VAC14: variants seen among roughly 807,000 people sequenced by gnomAD.
VAC14 encodes the protein VAC14 component of PIKFYVE complex.
In VAC14, 47 loss-of-function variants were observed where a neutral mutation model predicts 85.3. That is an observed-to-expected ratio of 0.55 (90% CI 0.44 to 0.70). The LOEUF is 0.70. Among genes scored for constraint, VAC14 ranks in the 30% least tolerant of loss-of-function variants. VAC14 has a pLI of 0.00. For synonymous variants in VAC14, 447 were observed against 430.5 expected, an observed-to-expected ratio of 1.04 and a Z score of -0.47; for missense variants, 861 against 1,004.3, an observed-to-expected ratio of 0.86 and a Z score of 1.93.
intron 1 of VAC14, among the ~76,000 whole-genome samples, chr16:70,798,527 T>C (rs1011434919): frequency 1.3e-5 from 2 of 152,236 alleles, no homozygotes; most frequent in Non-Finnish European, 2.9e-5. Flanking sequence ...AGTCAGTATC[T>C]ATCTCTAAGC....
At chr16:70,752,822 CCT>C (rs373063496) in intron 12 of VAC14, among the ~76,000 whole-genome samples, 42 of 152,330 alleles carry the variant, frequency 2.8e-4, no homozygotes, top group African/African-American at 7.5e-4. Context: ...CAACCAAACT[CCT>C]CTATTTGTTC....
Position 70,687,710 on chromosome 16 carries a change from G to C in VAC14, c.*218C>G, listed in dbSNP as rs1027643823. On this transcript the variant is annotated 3_prime_UTR_variant, in exon 19 of 19. Transcript: ENST00000261776. The stretch of plus-strand genomic sequence containing the variant: ...CCCCACTGGGTGGGCAGCCAGCTCT[G>C]TGAGAATGCCAGGGTGCAGCTGACA... 11 of 437,828 alleles carry C rather than the reference G, an allele frequency of 2.5e-5. No homozygotes were observed. The highest frequency in any genetic ancestry group is 3.8e-5 in the Non-Finnish European group (10 of 263,062). 27.1% of individuals were successfully genotyped at this position (437,828 alleles called of 1,614,324 possible).
chr16:70,744,456 T>TGGGCACC lies in VAC14; in HGVS notation c.1488_1494dup (p.Thr499GlyfsTer33). 6.2e-7 allele frequency: 1 copy of TGGGCACC among 1,613,884 alleles called. No individual in the cohort carries two copies. Among genetic ancestry groups the TGGGCACC allele is most frequent in the Non-Finnish European group, 8.5e-7 (1 of 1,179,960 alleles). ...TTCAGTAGGCCGGCTCTGCCAGGGGTGGGCACCTGGAGCTCTGAGTGGCTG... is the reference window on the plus strand; with the variant it reads ...TTCAGTAGGCCGGCTCTGCCAGGGGTGGGCACCGGGCACCTGGAGCTCTGAGTGGCTG... On this transcript the variant is annotated frameshift_variant, in exon 13 of 19. Coordinates refer to ENST00000261776, the MANE Select transcript of VAC14 (RefSeq NM_018052.5). LOFTEE classifies it high-confidence loss of function.
Position 70,761,018 on chromosome 16 carries a change from T to TGTGTGTGCGC in VAC14, c.1371+1521_1371+1522insGCGCACACAC, listed in dbSNP as rs1555523169. The TGTGTGTGCGC allele has an allele frequency of 1.5e-5, 4 of 267,814 alleles. No individual in the cohort carries two copies. In the African/African-American group the frequency reaches 1.7e-4, roughly 11 times the overall value. The allele number at this position is 267,814 out of a possible 1,614,324, so 16.6% of individuals were successfully genotyped here. A position where few individuals can be genotyped will look rare whatever the true frequency, so the allele number is the denominator to read the frequency against. Reference sequence around the variant, plus strand: ...GTGTGTGTGTGTGTGTGTGTGTGTGTGCATGGGGGGGCGGGGGGTAGGCAG... The same window carrying TGTGTGTGCGC: ...GTGTGTGTGTGTGTGTGTGTGTGTGTGTGTGTGCGCGCATGGGGGGGCGGGGGGTAGGCAG... On this transcript the variant is annotated intron_variant, in intron 12 of 18. Transcript: ENST00000261776.
Position 70,786,377 on chromosome 16 carries a change from G to C in VAC14, c.105-12C>G. On this transcript the variant is annotated splice_polypyrimidine_tract_variant and intron_variant, in intron 1 of 18. Coordinates refer to ENST00000261776, the MANE Select transcript of VAC14 (RefSeq NM_018052.5). ...ACTCCCGGACCAGCCTGGAGAGAGA[G>C]GAGAGAGGGGCTGTGGGAATCAGGC... 6.2e-7 allele frequency: 1 copy of C among 1,611,878 alleles called. No individual in the cohort carries two copies. Among genetic ancestry groups the C allele is most frequent in the East Asian group, 2.2e-5 (1 of 44,834 alleles).
rs554274151 is a variant in VAC14 at position 70,788,823 on chromosome 16, TAG to T, written c.105-2460_105-2459del. Among the ~76,000 whole-genome samples the T allele has an allele frequency of 2.8e-4, 43 of 152,336 alleles. 2 individuals are homozygous for T. In the South Asian group the frequency reaches 8.3e-3, roughly 29 times the overall value. On this transcript the variant is annotated intron_variant, in intron 1 of 18. Transcript: ENST00000261776. ...AGTTTTCCTCACAGAGAGATCCTGC[TAG>T]AGGAGCCAGTCAGTCCCTCCAACTA...
At position 70,783,485 on chromosome 16, in the gene VAC14, A is replaced by G. The variant is rs201425995; in HGVS notation, c.664T>C (p.Phe222Leu). Reference sequence around the variant, plus strand: ...TTGCCATTGTCACCCAGGATCTGGAAGAGTCCATCCAGGATCTCCGGCAGG... The same window carrying G: ...TTGCCATTGTCACCCAGGATCTGGAGGAGTCCATCCAGGATCTCCGGCAGG... Reference protein sequence around the residue: ...DYLPEILDGLFQILGDNGKEI... With the variant: ...DYLPEILDGLLQILGDNGKEI... Residue 222 changes from phenylalanine (F) to leucine (L), a missense_variant, in exon 6 of 19, where the codon TTC becomes CTC. Physicochemically the swap from Phe to Leu is conservative, Grantham distance 22. Around this residue, in one of 3 missense-constraint regions of VAC14, gnomAD observed 629 missense variants for 703.1 expected, o/e 0.89. Transcript: ENST00000261776. The G allele has an allele frequency of 8.7e-6, 14 of 1,614,132 alleles. No individual in the cohort carries two copies. The East Asian group carries it at 3.1e-4, about 36-fold the overall frequency.
chr16:70,722,697 T>C (rs971161146), intron 14 of VAC14, among the ~76,000 whole-genome samples: 1 of 152,206 alleles, frequency 6.6e-6, no homozygotes. Flanking sequence ...TTGTCTGTCC[T>C]GGCTCAGATG....
At chr16:70,747,330 C>T (rs74024445) in intron 12 of VAC14, 17,685 of 151,872 alleles carry the variant, frequency 0.12, 1,140 homozygotes, top group Non-Finnish European at 0.14. Flanking sequence ...TGACTCCTAA[C>T]GGGTGCAGGG....
rs115000560 is a variant in VAC14 at position 70,739,202 on chromosome 16, G to A, written c.1528+5221C>T. Reference sequence around the variant, plus strand: ...GCAGTGAGGTAGGACCCTTGTCCGAGGTCACGGGATGGATGGGCAAAGCAG... The same window carrying A: ...GCAGTGAGGTAGGACCCTTGTCCGAAGTCACGGGATGGATGGGCAAAGCAG... On this transcript the variant is annotated intron_variant, in intron 13 of 18. Transcript: ENST00000261776. Among the ~76,000 whole-genome samples the A allele has an allele frequency of 9.8e-3, 1,487 of 152,324 alleles. 23 individuals carry two copies. The highest frequency in any genetic ancestry group is 0.034 in the African/African-American group (1,431 of 41,554).
intron 14 of VAC14, among the ~76,000 whole-genome samples, chr16:70,704,974 C>T (rs182399773): frequency 2.0e-5 from 3 of 152,342 alleles, no homozygotes; most frequent in South Asian, 2.1e-4. Context: ...ACAGGACCAG[C>T]GAAGTGACCA....
chr16:70,774,289 T>C (rs1281737173), intron 9 of VAC14, among the ~76,000 whole-genome samples: 1 of 152,234 alleles, frequency 6.6e-6, no homozygotes, highest in East Asian at 1.9e-4. Context: ...TTTGAAGCGC[T>C]GGTCACTCTG....
chr16:70,779,631 TAATAAATGGAATTTA>T (rs2033708637), intron 9 of VAC14, among the ~76,000 whole-genome samples: 1 of 152,144 alleles, frequency 6.6e-6, no homozygotes, highest in African/African-American at 2.4e-5. Flanking sequence ...GTTAGATTTG[TAATAAATGGAATTTA>T]ACTAGAAAAA....
chr16:70,772,125 C>G lies in VAC14; in HGVS notation c.1144G>C (p.Val382Leu), dbSNP rs755053038. Residue 382 changes from valine (V) to leucine (L), a missense_variant, in exon 10 of 19, where the codon GTC (valine) becomes CTC (leucine). Val to Leu is a conservative substitution (Grantham distance 32). Coordinates refer to ENST00000261776, the MANE Select transcript of VAC14 (RefSeq NM_018052.5). ...CDSSFSSGIS[V>L]FTAASTERAP... ...GCCACTTACCTGGCTGCAGTGAAGA[C>G]ACTGATGCCGCTACTGAAGCTGGAG... 19 of 1,614,006 alleles carry G rather than the reference C, an allele frequency of 1.2e-5. No individual in the cohort carries two copies. In the Admixed American group the frequency reaches 3.2e-4, roughly 27 times the overall value.
rs200405116 is a variant in VAC14, at chr16:70,731,483, G to A, written c.1661+12C>T. ...TGGGAGGAAGAGGAGAAAGCGCGCC[G>A]CCAAGGCTGACCTGATGATGAAAGG... is the stretch of plus-strand genomic sequence containing the variant. On this transcript the variant is annotated intron_variant, in intron 14 of 18. Coordinates refer to ENST00000261776, the MANE Select transcript of VAC14 (RefSeq NM_018052.5). 18 of 1,611,612 alleles carry A rather than the reference G, an allele frequency of 1.1e-5. No homozygotes were observed. The highest frequency in any genetic ancestry group is 9.4e-5 in the African/African-American group (7 of 74,858).
Position 70,754,713 on chromosome 16 carries a change from A to G in VAC14, c.1371+7827T>C, listed in dbSNP as rs1406987160. Among the ~76,000 whole-genome samples, 5 of 152,168 alleles carry G rather than the reference A, an allele frequency of 3.3e-5. No individual in the cohort carries two copies. The East Asian group carries it at 9.7e-4, about 29-fold the overall frequency. Reference sequence around the variant, plus strand: ...GCAAGAGGAGTCAAGTTCTTTGGGCACCGACACGGCACCCCTCCATTCTCT... The same window carrying G: ...GCAAGAGGAGTCAAGTTCTTTGGGCGCCGACACGGCACCCCTCCATTCTCT... On this transcript the variant is annotated intron_variant, in intron 12 of 18. Transcript: ENST00000261776.
chr16:70,776,835 T>G (rs2143206550), intron 9 of VAC14, among the ~76,000 whole-genome samples: 1 of 151,248 alleles, frequency 6.6e-6, no homozygotes, highest in East Asian at 1.9e-4. Context: ...TTTTTTGAGA[T>G]GGAGTCTTGC....
intron 12 of VAC14, among the ~76,000 whole-genome samples, chr16:70,757,757 G>A (rs539008657): frequency 3.5e-4 from 53 of 152,316 alleles, no homozygotes; most frequent in African/African-American, 1.2e-3. Context: ...CTCCTGCATC[G>A]GAGGAGCTAC....
At chr16:70,704,292 A>G (rs2053881673) in intron 14 of VAC14, among the ~76,000 whole-genome samples, 1 of 152,212 alleles carries the variant, frequency 6.6e-6, no homozygotes, top group Non-Finnish European at 1.5e-5. Flanking sequence ...GCCCTGCCTC[A>G]TGGTAACAGA....
Sources: allele counts gnomAD v4.1 joint callset (sites outside exome capture counted in the v4.1 genomes callset), GRCh38; gene constraint gnomAD v4.1.1; regional missense constraint gnomAD v4.1.1; transcripts MANE v1.5; gene names NCBI Gene and HGNC (gene_info 2026-07-23, HGNC 2026-07-21).